Variants in DPP6 observed in about 807,000 individuals in gnomAD.
DPP6 encodes the protein dipeptidyl peptidase like 6.
A neutral mutation model predicts 122.6 loss-of-function variants in DPP6; 69 were observed. The observed-to-expected ratio is 0.56, with a 90% CI of 0.46 to 0.69. DPP6 has a LOEUF of 0.69. Ranked by LOEUF, DPP6 falls within the 30% of genes least tolerant of loss-of-function variation. DPP6 has a pLI of 0.00. For synonymous variants in DPP6, 418 were observed against 433.1 expected (o/e 0.97, Z 0.43); for missense variants, 928 against 1,116.9 (o/e 0.83, Z 2.41).
At chr7:153,879,122 A>T in the DPP6 span, among the ~76,000 whole-genome samples, 1 of 152,166 alleles carries the variant, frequency 6.6e-6, no homozygotes, top group East Asian at 1.9e-4. Context: ...GAGTGTGGTG[A>T]TGTGATGAGA....
At chr7:153,941,232 G>A (rs6974158) in intron 1 of DPP6, among the ~76,000 whole-genome samples, 21,749 of 152,210 alleles carry the variant, frequency 0.14, 1,788 homozygotes, top group African/African-American at 0.22. Context: ...TGTTGTCATT[G>A]TAAACCAGCC....
At chr7:154,472,676 G>A (rs1200256634) in intron 2 of DPP6, among the ~76,000 whole-genome samples, 1 of 152,120 alleles carries the variant, frequency 6.6e-6, no homozygotes, top group Admixed American at 6.6e-5. Flanking sequence ...ATGATTTTGG[G>A]AATGAATCAA....
At chr7:153,850,390 G>T in the DPP6 span, among the ~76,000 whole-genome samples, 2 of 152,164 alleles carry the variant, frequency 1.3e-5, no homozygotes, top group African/African-American at 2.4e-5. Flanking sequence ...ACACAACATG[G>T]TAGCTTGCTT....
chr7:154,253,346 C>T (rs1802469480), intron 1 of DPP6, among the ~76,000 whole-genome samples: 1 of 152,186 alleles, frequency 6.6e-6, no homozygotes, highest in Non-Finnish European at 1.5e-5. Context: ...GCAGGTGATA[C>T]AGGTGTGGGG....
In DPP6 at chr7:154,403,322, C is replaced by T. The variant is rs1000459392; in HGVS notation, c.244-42892C>T. On this transcript the variant is annotated intron_variant, in intron 1 of 25. Coordinates refer to ENST00000377770, the MANE Select transcript of DPP6 (RefSeq NM_130797.4). The surrounding 1 kb of genome is among the most constrained non-coding windows in gnomAD (Gnocchi z 4.1). ...GCGGGGGAATCAGGACACCGCCCAC[C>T]GCTGTCCAAATGCCAAGTGGCGATT... Among the ~76,000 whole-genome samples, 3 of 152,132 alleles carry T rather than the reference C, an allele frequency of 2.0e-5. No homozygotes were observed. Among genetic ancestry groups the T allele is most frequent in the Non-Finnish European group, 4.4e-5 (3 of 68,036 alleles).
At chr7:154,825,498 G>A (rs1156590894) in intron 16 of DPP6, among the ~76,000 whole-genome samples, 2 of 152,284 alleles carry the variant, frequency 1.3e-5, no homozygotes, top group East Asian at 3.9e-4. Context: ...TTGATGTTCT[G>A]GGAAGCTCTT....
At chr7:154,254,956 T>A (rs1033915452) in intron 1 of DPP6, among the ~76,000 whole-genome samples, 5 of 152,104 alleles carry the variant, frequency 3.3e-5, no homozygotes, top group South Asian at 2.1e-4. Flanking sequence ...TCCTTTGCAA[T>A]TTGCAAAGGA....
chr7:154,419,684 G>A (rs1817299635), intron 1 of DPP6, among the ~76,000 whole-genome samples: 2 of 152,222 alleles, frequency 1.3e-5, no homozygotes, highest in Non-Finnish European at 2.9e-5. Flanking sequence ...TGTCTGGATA[G>A]AGAGAACAGC....
chr7:153,919,648 A>G (rs1275894618), intron 1 of DPP6, among the ~76,000 whole-genome samples: 1 of 152,204 alleles, frequency 6.6e-6, no homozygotes, highest in Non-Finnish European at 1.5e-5. Context: ...GCCAGGAGTC[A>G]GGGGGAAATA....
At chr7:153,799,395 C>T in the DPP6 span, among the ~76,000 whole-genome samples, 2 of 152,240 alleles carry the variant, frequency 1.3e-5, no homozygotes, top group African/African-American at 2.4e-5. Context: ...AGCTGAGTGG[C>T]TCCTAATCGC....
chr7:154,683,244 C>T (rs1245280221), intron 7 of DPP6, among the ~76,000 whole-genome samples: 1 of 152,130 alleles, frequency 6.6e-6, no homozygotes, highest in Non-Finnish European at 1.5e-5. Context: ...GACCTCCAGC[C>T]TAGATCGCTC....
At chr7:153,857,024 G>C in the DPP6 span, among the ~76,000 whole-genome samples, 1 of 152,020 alleles carries the variant, frequency 6.6e-6, no homozygotes, top group Non-Finnish European at 1.5e-5. Flanking sequence ...CTAATTCATT[G>C]TCTCTGTTTA....
chr7:154,088,754 A>C (rs1264724499), intron 1 of DPP6, among the ~76,000 whole-genome samples: 2 of 151,960 alleles, frequency 1.3e-5, no homozygotes, highest in African/African-American at 4.8e-5. Context: ...CAGTTCTAGG[A>C]GACACATTTT....
At chr7:153,979,508 C>A (rs1359049035) in intron 1 of DPP6, among the ~76,000 whole-genome samples, 2 of 152,224 alleles carry the variant, frequency 1.3e-5, no homozygotes, top group Non-Finnish European at 2.9e-5. Context: ...AATTTGACTT[C>A]CTCTCTTCCT....
chr7:153,922,760 A>G (rs187783734), intron 1 of DPP6, among the ~76,000 whole-genome samples: 2 of 152,334 alleles, frequency 1.3e-5, no homozygotes, highest in East Asian at 3.9e-4. Context: ...TGGCAAAAAT[A>G]CCACCTTGCA....
chr7:153,893,400 C>T (rs971800599), intron 1 of DPP6, among the ~76,000 whole-genome samples: 2 of 152,176 alleles, frequency 1.3e-5, no homozygotes, highest in African/African-American at 4.8e-5. Flanking sequence ...CATTCGTCCC[C>T]ATGGACAAGG....
At chr7:154,216,278 T>C (rs1199659170) in intron 1 of DPP6, among the ~76,000 whole-genome samples, 2 of 152,204 alleles carry the variant, frequency 1.3e-5, no homozygotes, top group African/African-American at 4.8e-5. Context: ...CCAGAGACTG[T>C]CTGCCACAGC....
intron 1 of DPP6, among the ~76,000 whole-genome samples, chr7:154,239,264 A>G (rs900299336): frequency 1.3e-5 from 2 of 152,202 alleles, no homozygotes; most frequent in African/African-American, 4.8e-5. Flanking sequence ...CTCCAAAAAC[A>G]TGTCTTTCTA....
At chr7:154,154,750 T>A (rs946740904) in intron 1 of DPP6, among the ~76,000 whole-genome samples, 2 of 152,226 alleles carry the variant, frequency 1.3e-5, no homozygotes, top group African/African-American at 4.8e-5. Flanking sequence ...GATTTCTTTT[T>A]AAAAGAACTT....
Sources: gnomAD v4.1 joint callset for allele counts (sites outside exome capture counted in the v4.1 genomes callset) on GRCh38, gnomAD v4.1.1 for gene constraint, Gnocchi (gnomAD v3.1) non-coding constraint, MANE v1.5 for transcripts, NCBI Gene and HGNC (gene_info 2026-07-23, HGNC 2026-07-21) for gene names.